Variants in OPCML observed in about 807,000 individuals in gnomAD.
OPCML encodes the protein opioid-binding protein/cell adhesion molecule.
OPCML carries 13 observed loss-of-function variants against 37.8 expected under a neutral mutation model. That is an observed-to-expected ratio of 0.34 (90% confidence interval 0.22 to 0.55). The LOEUF (loss-of-function observed/expected upper bound fraction) is 0.55. OPCML is among the 20% of genes least tolerant of loss of function. The probability of loss-of-function intolerance (pLI) is 0.91; values close to 1 mark genes in which losing one functional copy is unlikely to be tolerated. For synonymous variants in OPCML, 176 were observed against 168.8 expected (o/e 1.04, Z -0.33); for missense variants, 341 against 435.6 (o/e 0.78, Z 1.93).
intron 4 of OPCML, among the ~76,000 whole-genome samples, chr11:132,528,720 T>A (rs530843991): frequency 6.6e-6 from 1 of 152,304 alleles, no homozygotes; most frequent in Non-Finnish European, 1.5e-5. Flanking sequence ...ACGCTAATAC[T>A]CTTGCACTCT....
intron 1 of OPCML, among the ~76,000 whole-genome samples, chr11:133,383,861 T>A (rs1427473277): frequency 6.6e-6 from 1 of 152,140 alleles, no homozygotes; most frequent in Non-Finnish European, 1.5e-5. Context: ...AGACAGGATG[T>A]CTACACCTGC....
intron 1 of OPCML, among the ~76,000 whole-genome samples, chr11:133,023,485 A>G (rs1947491994): frequency 6.6e-6 from 1 of 152,214 alleles, no homozygotes; most frequent in African/African-American, 2.4e-5. Context: ...CTCACTATCC[A>G]TCACCTTACC....
At chr11:132,888,340 T>A (rs1282226673) in intron 2 of OPCML, among the ~76,000 whole-genome samples, 1 of 152,176 alleles carries the variant, frequency 6.6e-6, no homozygotes, top group Non-Finnish European at 1.5e-5. Flanking sequence ...GTGGAATGGA[T>A]AACTTCCTCT....
intron 1 of OPCML, among the ~76,000 whole-genome samples, chr11:133,500,273 G>T (rs1297690098): frequency 6.6e-6 from 1 of 152,198 alleles, no homozygotes; most frequent in African/African-American, 2.4e-5. Flanking sequence ...GCATCTGTGA[G>T]CAGGAACCAG....
At chr11:133,491,578 G>A (rs1266539897) in intron 1 of OPCML, among the ~76,000 whole-genome samples, 2 of 152,174 alleles carry the variant, frequency 1.3e-5, no homozygotes, top group African/African-American at 4.8e-5. Flanking sequence ...ACTGGGAAAG[G>A]GGAAACATGG....
rs568969973 is a variant in OPCML, at chr11:132,899,937, G to T, written c.146+42989C>A. 3.9e-5 allele frequency among the ~76,000 whole-genome samples: 6 copies of T among 152,218 alleles called. No individual in the cohort carries two copies. The East Asian group carries it at 7.7e-4, about 20-fold the overall frequency. On this transcript the variant is annotated intron_variant, in intron 2 of 7. Transcript: ENST00000524381. ...CCAGCAACCCCCACTCCCACCCCAG[G>T]ATCTCAGGCCCTGGAACTTGGACTG...
chr11:132,900,073 T>A (rs1345884016), intron 2 of OPCML, among the ~76,000 whole-genome samples: 2 of 152,156 alleles, frequency 1.3e-5, no homozygotes, highest in Non-Finnish European at 2.9e-5. Context: ...CTCCCATTGA[T>A]TTTTATGTCT....
chr11:133,028,480 A>G (rs544024623), intron 1 of OPCML, among the ~76,000 whole-genome samples: 1 of 151,840 alleles, frequency 6.6e-6, no homozygotes, highest in Non-Finnish European at 1.5e-5. Flanking sequence ...GTGAGGATCA[A>G]AAGTTTATTA....
chr11:133,116,778 T>C (rs79394271), intron 1 of OPCML, among the ~76,000 whole-genome samples: 16,228 of 146,700 alleles, frequency 0.11, 1,011 homozygotes, highest in East Asian at 0.21. Flanking sequence ...TTATAAGTAA[T>C]TTGTGGGAAG....
chr11:133,518,375 TGGTGTGTGTAAATA>T (rs1948328763), intron 1 of OPCML, among the ~76,000 whole-genome samples: 1 of 150,114 alleles, frequency 6.7e-6, no homozygotes, highest in Non-Finnish European at 1.5e-5. Flanking sequence ...TGTGCAGGCA[TGGTGTGTGTAAATA>T]AGTGTGTGTG....
chr11:132,922,773 G>A (rs2136592287), intron 2 of OPCML, among the ~76,000 whole-genome samples: 1 of 152,250 alleles, frequency 6.6e-6, no homozygotes, highest in South Asian at 2.1e-4. Flanking sequence ...TCCTGTGAAG[G>A]GAAGACACAG....
intron 1 of OPCML, among the ~76,000 whole-genome samples, chr11:132,995,391 G>A (rs1428138155): frequency 6.6e-6 from 1 of 152,100 alleles, no homozygotes; most frequent in Non-Finnish European, 1.5e-5. Context: ...AAAAGAGGAT[G>A]TGGAAAGTTG....
Position 133,128,192 on chromosome 11 carries a change from A to G in OPCML, c.62-185182T>C, listed in dbSNP as rs534688017. ...GAGGCATACTGAAAACTGATGGAAT[A>G]AAGGAACTAATGAAGAGTGCCAAAT... is the stretch of plus-strand genomic sequence containing the variant. On this transcript the variant is annotated intron_variant, in intron 1 of 7. Coordinates refer to ENST00000524381, the MANE Select transcript of OPCML (RefSeq NM_001012393.5). 3.1e-4 allele frequency among the ~76,000 whole-genome samples: 47 copies of G among 152,240 alleles called. No individual in the cohort carries two copies. The South Asian group carries it at 4.4e-3, about 14-fold the overall frequency.
chr11:132,490,543 C>T (rs558215149), intron 4 of OPCML, among the ~76,000 whole-genome samples: 3 of 144,244 alleles, frequency 2.1e-5, no homozygotes, highest in Admixed American at 1.4e-4. Flanking sequence ...TCCGGCCTGA[C>T]CTTTGCTTTG....
chr11:132,933,880 CAA>C (rs1165371320), intron 2 of OPCML, among the ~76,000 whole-genome samples: 2 of 152,120 alleles, frequency 1.3e-5, no homozygotes. Context: ...GCCTTACAGA[CAA>C]TATCTCAGTG....
At chr11:132,425,643 G>T (rs1258717262) in intron 7 of OPCML, among the ~76,000 whole-genome samples, 1 of 152,208 alleles carries the variant, frequency 6.6e-6, no homozygotes, top group African/African-American at 2.4e-5. Flanking sequence ...AGCATCTTGT[G>T]TGGGGGTTCT....
chr11:133,034,184 C>A (rs1179582842), intron 1 of OPCML, among the ~76,000 whole-genome samples: 2 of 152,078 alleles, frequency 1.3e-5, no homozygotes, highest in Non-Finnish European at 2.9e-5. Context: ...GCCTAGTATA[C>A]CTCTATTCTT....
At chr11:133,426,226 T>A (rs1163352983) in intron 1 of OPCML, among the ~76,000 whole-genome samples, 2 of 152,178 alleles carry the variant, frequency 1.3e-5, no homozygotes, top group African/African-American at 4.8e-5. Context: ...TCAGACCAGA[T>A]AAGGTTCTTA....
At chr11:132,524,948 G>T (rs1194871666) in intron 4 of OPCML, among the ~76,000 whole-genome samples, 1 of 152,150 alleles carries the variant, frequency 6.6e-6, no homozygotes, top group Non-Finnish European at 1.5e-5. Context: ...CATCAATGAT[G>T]GGAGTATTTA....
Sources: allele counts gnomAD v4.1 joint callset (sites outside exome capture counted in the v4.1 genomes callset), GRCh38; gene constraint gnomAD v4.1.1; transcripts MANE v1.5; gene names NCBI Gene and HGNC (gene_info 2026-07-23, HGNC 2026-07-21).